The following HK2 variants were observed in gnomAD, a reference collection of about 807,000 sequenced individuals.
HK2 encodes hexokinase-2.
A neutral mutation model predicts 92.9 loss-of-function variants in HK2; 42 were observed. The observed-to-expected ratio is 0.45, with a 90% CI of 0.35 to 0.58. The LOEUF is 0.58. HK2 is among the 20% of genes least tolerant of loss of function. HK2 has a pLI of 0.00. For missense variants in HK2, 978 were observed against 1,245.1 expected (o/e 0.79, Z 3.23); for synonymous variants, 422 against 468.0 (o/e 0.90, Z 1.27).
chr2:74,890,939 T>C lies in HK2; in HGVS notation c.2752T>C (p.Ter918GlnextTer3). ...ACRIREAGQR[*>Q] The stretch of plus-strand genomic sequence containing the variant: ...CCGCATCCGTGAGGCTGGACAGCGA[T>C]AGAACCCCTGAAATCGGAAGGGACT... Residue 918 changes from the stop codon to glutamine (Q), a stop_lost, in exon 18 of 18, where the codon TAG (stop) becomes CAG (glutamine). Coordinates refer to ENST00000290573, the MANE Select transcript of HK2 (RefSeq NM_000189.5). 1.2e-6 allele frequency: 2 copies of C among 1,614,158 alleles called. No homozygotes were observed. The highest frequency in any genetic ancestry group is 1.7e-6 in the Non-Finnish European group (2 of 1,180,024).
chr2:74,867,219 C>T (rs140876228), intron 2 of HK2, among the ~76,000 whole-genome samples: 119 of 151,408 alleles, frequency 7.9e-4, no homozygotes, highest in Admixed American at 1.9e-3. Context: ...TAATGGCATT[C>T]GTAGCAACCT....
At chr2:74,862,691 C>T (rs530558551) in intron 2 of HK2, among the ~76,000 whole-genome samples, 9 of 152,226 alleles carry the variant, frequency 5.9e-5, no homozygotes, top group East Asian at 1.9e-4. Context: ...GTAGTCCAGG[C>T]GATATAAATT....
At position 74,891,152 on chromosome 2, in the gene HK2, T is replaced by C. The variant is rs1383147055; in HGVS notation, c.*211T>C. ...ATAAATAGAGTTCCAAATAAGGATT[T>C]GTTCACATGCATCATAACCATTCCC... On this transcript the variant is annotated 3_prime_UTR_variant, in exon 18 of 18. Transcript: ENST00000290573. 1 of 591,474 alleles carries C rather than the reference T, an allele frequency of 1.7e-6. No homozygotes were observed. The highest frequency in any genetic ancestry group is 1.9e-5 in the African/African-American group (1 of 53,720). 36.6% of individuals were successfully genotyped at this position (591,474 alleles called of 1,614,324 possible). A position where few individuals can be genotyped will look rare whatever the true frequency, so the allele number is the denominator to read the frequency against.
At chr2:74,837,051 T>C (rs966778476) in intron 1 of HK2, among the ~76,000 whole-genome samples, 1 of 152,188 alleles carries the variant, frequency 6.6e-6, no homozygotes, top group Non-Finnish European at 1.5e-5. Context: ...CAATTGGAAC[T>C]CAGGAGCGAC....
intron 1 of HK2, among the ~76,000 whole-genome samples, chr2:74,839,659 ATTT>A (rs10675736): frequency 4.9e-5 from 7 of 143,244 alleles, no homozygotes; most frequent in Middle Eastern, 3.5e-3. Context: ...GCCAAAGTCA[ATTT>A]TTTTTTTTTT....
chr2:74,887,835 G>T, intron 15 of HK2, 68 bp from the exon 16 acceptor site: 2 of 1,501,378 alleles, frequency 1.3e-6, no homozygotes, highest in Non-Finnish European at 1.9e-6. Flanking sequence ...GACTAAGCTG[G>T]CCTGTCCTGT....
intron 2 of HK2, among the ~76,000 whole-genome samples, chr2:74,864,510 G>A (rs1184596213): frequency 1.4e-5 from 2 of 140,890 alleles, no homozygotes; most frequent in Non-Finnish European, 3.1e-5. Flanking sequence ...GTTGTCATTT[G>A]TTTGTTTTTT....
At chr2:74,890,658 A>T (rs1689654210) in intron 17 of HK2, 139 bp from the exon 18 acceptor site, 1 of 1,018,980 alleles carries the variant, frequency 9.8e-7, no homozygotes, top group Non-Finnish European at 1.6e-6. Flanking sequence ...TGTTTAATAC[A>T]TTATAGCTGT....
chr2:74,884,504 G>T (rs746821272), intron 12 of HK2, among the ~76,000 whole-genome samples: 3 of 152,236 alleles, frequency 2.0e-5, no homozygotes, highest in Non-Finnish European at 4.4e-5. Context: ...CTTGTAGAGA[G>T]CTGGGTGGAG....
At chr2:74,869,105 C>A (rs1259203689) in intron 3 of HK2, among the ~76,000 whole-genome samples, 1 of 150,002 alleles carries the variant, frequency 6.7e-6, no homozygotes, top group Admixed American at 6.6e-5. Context: ...ATAAGAAAAA[C>A]AGTATAGTCC....
At chr2:74,855,697 G>A (rs773070619) in intron 2 of HK2, among the ~76,000 whole-genome samples, 2 of 152,212 alleles carry the variant, frequency 1.3e-5, no homozygotes, top group Non-Finnish European at 2.9e-5. Flanking sequence ...AGTAGCATTG[G>A]GGAGTAAATG....
chr2:74,861,781 A>G (rs1449905068), intron 2 of HK2, among the ~76,000 whole-genome samples: 1 of 152,252 alleles, frequency 6.6e-6, no homozygotes, highest in African/African-American at 2.4e-5. Context: ...AAGCTCAAGT[A>G]CAACCCAACT....
At chr2:74,862,879 A>T (rs957109503) in intron 2 of HK2, among the ~76,000 whole-genome samples, 3 of 152,070 alleles carry the variant, frequency 2.0e-5, no homozygotes, top group African/African-American at 7.2e-5. Flanking sequence ...GGAGGTGCTG[A>T]CTAGAAGGAG....
Position 74,891,248 on chromosome 2 carries a change from A to G in HK2, c.*307A>G. On this transcript the variant is annotated 3_prime_UTR_variant, in exon 18 of 18. Transcript: ENST00000290573. The stretch of plus-strand genomic sequence containing the variant: ...CTTGCCAAATTCCATGTCCCTGTAT[A>G]ATTCTACAGGATGGGGACACTAATG... The G allele has an allele frequency of 2.5e-6, 1 of 397,560 alleles. No homozygotes were observed. The highest frequency in any genetic ancestry group is 4.8e-6 in the Non-Finnish European group (1 of 209,922). The allele number at this position is 397,560 out of a possible 1,614,324, so 24.6% of individuals were successfully genotyped here. A position where few individuals can be genotyped will look rare whatever the true frequency, so the allele number is the denominator to read the frequency against.
At chr2:74,866,647 C>T (rs1157307199) in intron 2 of HK2, among the ~76,000 whole-genome samples, 1 of 152,194 alleles carries the variant, frequency 6.6e-6, no homozygotes. Flanking sequence ...TGACACATGA[C>T]AGTCTTCACC....
At chr2:74,838,249 T>C (rs1688216107) in intron 1 of HK2, among the ~76,000 whole-genome samples, 1 of 151,970 alleles carries the variant, frequency 6.6e-6, no homozygotes. Context: ...AGGTGCTCAG[T>C]GAGTACAAGA....
At chr2:74,874,071 CTT>C in intron 6 of HK2, 128 bp downstream of exon 6, 6 of 967,402 alleles carry the variant, frequency 6.2e-6, no homozygotes, top group Non-Finnish European at 9.8e-6. Flanking sequence ...GGTCCAGTCA[CTT>C]TGGAGAGCCG....
At chr2:74,840,007 GT>G (rs1688265763) in intron 1 of HK2, among the ~76,000 whole-genome samples, 1 of 137,340 alleles carries the variant, frequency 7.3e-6, no homozygotes, top group African/African-American at 2.8e-5. Context: ...CCAGGCTGGA[GT>G]ACAGTGGCGT....
Position 74,845,169 on chromosome 2 carries a change from G to A in HK2, c.64-9124G>A, listed in dbSNP as rs910023740. On this transcript the variant is annotated intron_variant, in intron 1 of 17. Coordinates refer to ENST00000290573, the MANE Select transcript of HK2 (RefSeq NM_000189.5). ...AAATCCATATTTTATTAATGTAAAG[G>A]AAACTGCCTACTGTTCTGCCCTTCC... 2.6e-5 allele frequency among the ~76,000 whole-genome samples: 4 copies of A among 152,286 alleles called. No homozygotes were observed. In the South Asian group the frequency reaches 8.3e-4, roughly 32 times the overall value.
Sources: allele counts gnomAD v4.1 joint callset (sites outside exome capture counted in the v4.1 genomes callset), GRCh38; gene constraint gnomAD v4.1.1; transcripts MANE v1.5; gene names NCBI Gene and HGNC (gene_info 2026-07-23, HGNC 2026-07-21).